IL5RA: variants seen among roughly 807,000 people sequenced by gnomAD.
The protein encoded by IL5RA is interleukin-5 receptor subunit alpha.
In IL5RA, 49 loss-of-function variants were observed where a neutral mutation model predicts 50.0. The ratio of observed to expected loss-of-function variants is 0.98; its 90% CI spans 0.78 to 1.24. The LOEUF is 1.24. Ranked by LOEUF, IL5RA falls within the 50% of genes most tolerant of loss-of-function variation. IL5RA has a pLI of 0.00. For synonymous variants in IL5RA, 202 were observed against 174.0 expected, an observed-to-expected ratio of 1.16 and a Z score of -1.26; for missense variants, 600 against 500.4, an observed-to-expected ratio of 1.20 and a Z score of -1.90.
At chr3:3,082,448 A>G (rs760571417) in intron 9 of IL5RA, among the ~76,000 whole-genome samples, 33 of 152,212 alleles carry the variant, frequency 2.2e-4, no homozygotes, top group Non-Finnish European at 3.8e-4. Flanking sequence ...TCTTGTAAGG[A>G]GGAGAAGCTC....
At chr3:3,090,513 C>T (rs1703042015) in intron 9 of IL5RA, among the ~76,000 whole-genome samples, 1 of 151,750 alleles carries the variant, frequency 6.6e-6, no homozygotes, top group South Asian at 2.1e-4. Context: ...GCCGGAAACA[C>T]CTGGATAATA....
chr3:3,097,597 A>C (rs570050957), intron 7 of IL5RA, among the ~76,000 whole-genome samples: 2 of 152,068 alleles, frequency 1.3e-5, no homozygotes, highest in Admixed American at 1.3e-4. Flanking sequence ...TCAAGGACAG[A>C]GGGGCATACT....
At chr3:3,105,821 G>C (rs949093659) in intron 2 of IL5RA, among the ~76,000 whole-genome samples, 2 of 152,198 alleles carry the variant, frequency 1.3e-5, no homozygotes, top group African/African-American at 4.8e-5. Context: ...TCAAAGAGGA[G>C]AGTCGGTGAT....
intron 9 of IL5RA, among the ~76,000 whole-genome samples, chr3:3,089,789 A>AT (rs990615819): frequency 6.5e-4 from 99 of 152,106 alleles, no homozygotes; most frequent in African/African-American, 2.3e-3. Context: ...CGCCCAGCTA[A>AT]TTTTTTGTAT....
intron 9 of IL5RA, among the ~76,000 whole-genome samples, chr3:3,081,278 C>T (rs1425641465): frequency 1.3e-5 from 2 of 152,080 alleles, no homozygotes; most frequent in East Asian, 1.9e-4. Flanking sequence ...AATCAAATAC[C>T]GTCTTACTTT....
intron 9 of IL5RA, among the ~76,000 whole-genome samples, chr3:3,080,693 T>C (rs1397393841): frequency 6.6e-6 from 1 of 152,142 alleles, no homozygotes; most frequent in Admixed American, 6.5e-5. Context: ...CCTATGGCTA[T>C]ACTATTTATT....
chr3:3,091,872 G>T, intron 9 of IL5RA: 1 of 532,664 alleles, frequency 1.9e-6, no homozygotes, highest in Non-Finnish European at 2.5e-6. Context: ...AAAACTGGAT[G>T]AAAGAGACAC....
intron 9 of IL5RA, among the ~76,000 whole-genome samples, chr3:3,080,388 G>C (rs920819339): frequency 1.3e-5 from 2 of 152,208 alleles, no homozygotes; most frequent in African/African-American, 4.8e-5. Context: ...TCTTAGCCTT[G>C]ATGTAGGAAT....
Position 3,080,915 on chromosome 3 carries a change from C to G in IL5RA, c.995-4288G>C, listed in dbSNP as rs1196226663. Among the ~76,000 whole-genome samples the G allele has an allele frequency of 2.0e-5, 3 of 152,198 alleles. No homozygotes were observed. In the South Asian group the frequency reaches 6.2e-4, roughly 32 times the overall value. ...CTCAGTATGTTGCCCAGGCTGGTCT[C>G]AAACTCCTAAACTCAGGCAATTCTC... On this transcript the variant is annotated intron_variant, in intron 9 of 11. Coordinates refer to ENST00000446632, the MANE Select transcript of IL5RA (RefSeq NM_175726.4).
chr3:3,097,462 A>T (rs558856147), intron 7 of IL5RA, among the ~76,000 whole-genome samples: 1 of 152,234 alleles, frequency 6.6e-6, no homozygotes, highest in Non-Finnish European at 1.5e-5. Context: ...GAACTCATGA[A>T]GGATTAAATG....
chr3:3,076,465 T>A, intron 10 of IL5RA, 66 bp downstream of exon 10: 1 of 1,022,914 alleles, frequency 9.8e-7, no homozygotes, highest in Non-Finnish European at 1.5e-6. Flanking sequence ...ACCGGATGCA[T>A]GGTAAGCCTG....
chr3:3,095,469 T>G, intron 7 of IL5RA, 25 bp from the exon 8 acceptor site: 2 of 1,496,876 alleles, frequency 1.3e-6, no homozygotes, highest in Non-Finnish European at 1.8e-6. Flanking sequence ...GAAAGATCAG[T>G]GATTTTTTTT....
chr3:3,089,048 G>GTGC (rs1351722947), intron 9 of IL5RA, among the ~76,000 whole-genome samples: 2 of 152,126 alleles, frequency 1.3e-5, no homozygotes, highest in African/African-American at 4.8e-5. Flanking sequence ...AGTCCTGTGT[G>GTGC]TGCTGGGTCA....
intron 5 of IL5RA, among the ~76,000 whole-genome samples, chr3:3,100,294 G>T (rs988631926): frequency 6.6e-6 from 1 of 152,134 alleles, no homozygotes; most frequent in Non-Finnish European, 1.5e-5. Flanking sequence ...TGATGAGAGA[G>T]AGCCTCTTAT....
intron 9 of IL5RA, among the ~76,000 whole-genome samples, chr3:3,089,444 G>T (rs554864904): frequency 6.6e-6 from 1 of 152,208 alleles, no homozygotes; most frequent in South Asian, 2.1e-4. Context: ...TGGGCTGATG[G>T]GTCACTGCCC....
intron 7 of IL5RA, among the ~76,000 whole-genome samples, chr3:3,096,089 T>G (rs1006451992): frequency 1.3e-5 from 2 of 151,948 alleles, no homozygotes; most frequent in Non-Finnish European, 2.9e-5. Flanking sequence ...CCATCCTGGC[T>G]AACGTGGTGA....
At chr3:3,109,847 A>G (rs1003002765) in intron 1 of IL5RA, 98 bp downstream of exon 1, 13 of 152,168 alleles carry the variant, frequency 8.5e-5, no homozygotes, top group African/African-American at 3.1e-4. Flanking sequence ...TGAAATTATT[A>G]GGAGGTGGAG....
Position 3,084,992 on chromosome 3 carries a change from G to T in IL5RA, c.994+7232C>A, listed in dbSNP as rs900910306. Among the ~76,000 whole-genome samples the T allele has an allele frequency of 2.0e-5, 3 of 152,230 alleles. No homozygotes were observed. The South Asian group carries it at 6.2e-4, about 31-fold the overall frequency. Reference sequence around the variant, plus strand: ...GTGGCTGCGCCTGAAAGCACTGTGGGAACTCCCTGCTCCTGGCATTTGGAG... The same window carrying T: ...GTGGCTGCGCCTGAAAGCACTGTGGTAACTCCCTGCTCCTGGCATTTGGAG... On this transcript the variant is annotated intron_variant, in intron 9 of 11. Coordinates refer to ENST00000446632, the MANE Select transcript of IL5RA (RefSeq NM_175726.4).
In IL5RA at chr3:3,075,203, C is replaced by CTTTTTTT. The variant is rs10642608; in HGVS notation, c.1092-344_1092-338dup. On this transcript the variant is annotated intron_variant, in intron 10 of 11. Coordinates refer to ENST00000446632, the MANE Select transcript of IL5RA (RefSeq NM_175726.4). The stretch of plus-strand genomic sequence containing the variant: ...TATGTTTACTCACAGAGTTTACTTA[C>CTTTTTTT]TTTTTTTTTTTTTTTTTTTTTTTTG... Among the ~76,000 whole-genome samples, 207 of 69,896 alleles carry CTTTTTTT rather than the reference C, an allele frequency of 3.0e-3. 1 individual carries two copies. The highest frequency in any genetic ancestry group is 5.1e-3 in the East Asian group (11 of 2,156). 45.9% of individuals were successfully genotyped at this position (69,896 alleles called of 152,430 possible). A position where few individuals can be genotyped will look rare whatever the true frequency, so the allele number is the denominator to read the frequency against.
Sources: allele counts gnomAD v4.1 joint callset (sites outside exome capture counted in the v4.1 genomes callset), GRCh38; gene constraint gnomAD v4.1.1; transcripts MANE v1.5; gene names NCBI Gene and HGNC (gene_info 2026-07-23, HGNC 2026-07-21).